Variants in TMPRSS6 observed in about 807,000 individuals in gnomAD.
TMPRSS6 encodes transmembrane protease serine 6.
A neutral mutation model predicts 101.5 loss-of-function variants in TMPRSS6; 67 were observed. The ratio of observed to expected loss-of-function variants is 0.66; its 90% CI spans 0.54 to 0.81. The LOEUF (loss-of-function observed/expected upper bound fraction) is 0.81, where lower values mean the gene tolerates loss of function less well. Among genes scored for constraint, TMPRSS6 ranks in the 30% least tolerant of loss-of-function variants. TMPRSS6 has a pLI of 0.00. For missense variants in TMPRSS6, 1,034 were observed against 1,088.7 expected, an observed-to-expected ratio of 0.95 and a Z score of 0.71; for synonymous variants, 453 against 464.9, an observed-to-expected ratio of 0.97 and a Z score of 0.33.
intron 10 of TMPRSS6, among the ~76,000 whole-genome samples, chr22:37,082,280 C>G (rs1231031872): frequency 6.6e-6 from 1 of 152,190 alleles, no homozygotes; most frequent in Non-Finnish European, 1.5e-5. Context: ...TAGCACCTAA[C>G]TCCAGGCCAC....
chr22:37,068,122 G>A (rs1342304147), intron 16 of TMPRSS6, among the ~76,000 whole-genome samples: 1 of 152,092 alleles, frequency 6.6e-6, no homozygotes, highest in Non-Finnish European at 1.5e-5. Flanking sequence ...ATCCATGTCA[G>A]CTCTTACCAC....
At chr22:37,093,615 C>T (rs1362538495) in intron 6 of TMPRSS6, among the ~76,000 whole-genome samples, 1 of 150,254 alleles carries the variant, frequency 6.7e-6, no homozygotes, top group African/African-American at 2.4e-5. Context: ...CTTGGCCAGG[C>T]TGGTCTCAAA....
intron 10 of TMPRSS6, among the ~76,000 whole-genome samples, chr22:37,076,425 C>T: frequency 6.6e-6 from 1 of 152,212 alleles, no homozygotes; most frequent in East Asian, 1.9e-4. Context: ...GACAACACCG[C>T]CCCTGCACCC....
intron 5 of TMPRSS6, 37 bp from the exon 6 acceptor site, chr22:37,095,629 C>CAAAAAAAAAAAAAAAAA (rs548945502): frequency 2.0e-5 from 23 of 1,177,208 alleles, no homozygotes; most frequent in East Asian, 8.1e-5. Flanking sequence ...TAAACAAGAA[C>CAAAAAAAAAAAAAAAAA]AAAAAAAAAA....
intron 17 of TMPRSS6, 121 bp downstream of exon 17, chr22:37,066,705 C>T (rs1926319666): frequency 3.8e-5 from 52 of 1,379,332 alleles, no homozygotes; most frequent in Non-Finnish European, 5.2e-5. Flanking sequence ...GGGTGGCCAT[C>T]ACCACCTTGC....
chr22:37,110,134 G>C (rs1213304832), upstream of TMPRSS6, among the ~76,000 whole-genome samples: 2 of 139,052 alleles, frequency 1.4e-5, no homozygotes, highest in East Asian at 4.3e-4. Flanking sequence ...TTCCTACCTC[G>C]TTCTTTTTTT....
In TMPRSS6 at chr22:37,107,185, T is replaced by C. The variant is rs228911; in HGVS notation, c.-2+2318A>G. On this transcript the variant is annotated intron_variant, in intron 1 of 17. Transcript: ENST00000676104. ...AGGCCTGGCACTGGGGCATGGACAA[T>C]GGTGTGGGCCTGTGGGGTCCCAGGT... 2.3e-4 allele frequency among the ~76,000 whole-genome samples: 35 copies of C among 152,150 alleles called. 1 individual carries two copies. The highest frequency in any genetic ancestry group is 8.0e-4 in the African/African-American group (33 of 41,504).
In TMPRSS6 at chr22:37,078,962, A is replaced by AGAAG. The variant is rs1311571508; in HGVS notation, c.1197-3683_1197-3682insCTTC. Among the ~76,000 whole-genome samples, 9 of 89,298 alleles carry AGAAG rather than the reference A, an allele frequency of 1.0e-4. 1 individual carries two copies. Among genetic ancestry groups the AGAAG allele is most frequent in the Middle Eastern group, 9.1e-3 (2 of 220 alleles). 58.6% of individuals were successfully genotyped at this position (89,298 alleles called of 152,430 possible). A position where few individuals can be genotyped will look rare whatever the true frequency, so the allele number is the denominator to read the frequency against. ...GAGAAGGAGAAGGAGAAAAAGAGAA[A>AGAAG]GAAAGAAAGAAAAAGAAAGAAAGAA... On this transcript the variant is annotated intron_variant, in intron 10 of 17. Coordinates refer to ENST00000676104, the MANE Select transcript of TMPRSS6 (RefSeq NM_001374504.1).
chr22:37,080,869 C>T (rs1185191501), intron 10 of TMPRSS6, among the ~76,000 whole-genome samples: 1 of 152,282 alleles, frequency 6.6e-6, no homozygotes, highest in Non-Finnish European at 1.5e-5. Context: ...CACCAGCTGG[C>T]ATGGGCCGCT....
intron 7 of TMPRSS6, among the ~76,000 whole-genome samples, chr22:37,087,738 G>T (rs1021521101): frequency 6.6e-6 from 1 of 152,112 alleles, no homozygotes; most frequent in African/African-American, 2.4e-5. Flanking sequence ...TTCCCTGGGA[G>T]GTGGGAGATA....
chr22:37,089,378 G>T (rs902648925), intron 7 of TMPRSS6, among the ~76,000 whole-genome samples, 200 bp downstream of exon 7: 3 of 151,988 alleles, frequency 2.0e-5, no homozygotes, highest in African/African-American at 7.3e-5. Flanking sequence ...TGAGGCTCGC[G>T]GAGGGGAAGC....
At chr22:37,105,747 C>T (rs577379691) in intron 1 of TMPRSS6, among the ~76,000 whole-genome samples, 30 of 152,282 alleles carry the variant, frequency 2.0e-4, no homozygotes, top group African/African-American at 6.7e-4. Flanking sequence ...ATAGCTCACC[C>T]CAGCCTCCAA....
At chr22:37,100,872 C>G (rs1477893387) in intron 2 of TMPRSS6, among the ~76,000 whole-genome samples, 1 of 152,164 alleles carries the variant, frequency 6.6e-6, no homozygotes, top group Non-Finnish European at 1.5e-5. Context: ...ACCTGCTGAG[C>G]GGAAAGGACC....
intron 11 of TMPRSS6, 21 bp downstream of exon 11, chr22:37,075,114 C>A: frequency 2.5e-6 from 4 of 1,613,620 alleles, no homozygotes; most frequent in Non-Finnish European, 3.4e-6. Context: ...GCAGGGGGTT[C>A]CCCCGGCTGC....
At chr22:37,068,476 C>T (rs377312692) in intron 16 of TMPRSS6, 7 of 649,302 alleles carry the variant, frequency 1.1e-5, no homozygotes, top group African/African-American at 3.6e-5. Context: ...GTGCGGTGGC[C>T]GCCAGGGACT....
At position 37,066,049 on chromosome 22, in the gene TMPRSS6, G is replaced by A. The variant is rs756190860; in HGVS notation, c.*31C>T. ...TGCCCTGGGCTCTCTGAGTCCAGGA[G>A]GTGGGCCCTGCTTTGCAGGGGGGCA... On this transcript the variant is annotated 3_prime_UTR_variant, in exon 18 of 18. Coordinates refer to ENST00000676104, the MANE Select transcript of TMPRSS6 (RefSeq NM_001374504.1). 12 of 1,613,218 alleles carry A rather than the reference G, an allele frequency of 7.4e-6. No individual in the cohort carries two copies. In the South Asian group the frequency reaches 9.9e-5, roughly 13 times the overall value.
intron 9 of TMPRSS6, 67 bp from the exon 10 acceptor site, chr22:37,084,471 TAAC>T: frequency 1.7e-6 from 2 of 1,167,574 alleles, no homozygotes; most frequent in Non-Finnish European, 2.5e-6. Flanking sequence ...CCCACCTCCC[TAAC>T]AACAAAGAGA....
Position 37,086,420 on chromosome 22 carries a change from C to T in TMPRSS6, c.837-1G>A. On this transcript the variant is annotated splice_acceptor_variant, in intron 7 of 17. Coordinates refer to ENST00000676104, the MANE Select transcript of TMPRSS6 (RefSeq NM_001374504.1). LOFTEE classifies it high-confidence loss of function. ...CTCCTGGCGGCTGCAGCCGTACACCCTGGCAGAACAGAAAGGTGGCAAGGC... is the reference window on the plus strand; with the variant it reads ...CTCCTGGCGGCTGCAGCCGTACACCTTGGCAGAACAGAAAGGTGGCAAGGC... 6.3e-7 allele frequency: 1 copy of T among 1,578,954 alleles called. No homozygotes were observed. The highest frequency in any genetic ancestry group is 1.1e-5 in the South Asian group (1 of 87,042).
At chr22:37,106,104 T>C (rs1930696028) in intron 1 of TMPRSS6, among the ~76,000 whole-genome samples, 1 of 152,116 alleles carries the variant, frequency 6.6e-6, no homozygotes, top group Non-Finnish European at 1.5e-5. Context: ...CTTACACAGA[T>C]CCTGTGGGGA....
Sources: allele counts gnomAD v4.1 joint callset (sites outside exome capture counted in the v4.1 genomes callset), GRCh38; gene constraint gnomAD v4.1.1; transcripts MANE v1.5; gene names NCBI Gene and HGNC (gene_info 2026-07-23, HGNC 2026-07-21).